CLASRP: variants seen among roughly 807,000 people sequenced by gnomAD.
The protein encoded by CLASRP is CLK4-associating serine/arginine rich protein.
CLASRP carries 52 observed loss-of-function variants against 99.9 expected under a neutral mutation model. That is an observed-to-expected ratio of 0.52 (90% CI 0.42 to 0.66). The LOEUF is 0.66. Among genes scored for constraint, CLASRP ranks in the 30% least tolerant of loss-of-function variants. The probability of loss-of-function intolerance (pLI) is 0.00; values close to 1 mark genes in which losing one functional copy is unlikely to be tolerated. For synonymous variants in CLASRP, 379 were observed against 373.0 expected (o/e 1.02, Z -0.18); for missense variants, 848 against 999.2 (o/e 0.85, Z 2.04).
intron 2 of CLASRP, among the ~76,000 whole-genome samples, chr19:45,046,576 C>G (rs1318509861): frequency 1.3e-5 from 2 of 152,222 alleles, no homozygotes; most frequent in Non-Finnish European, 2.9e-5. Context: ...CCACACTGGA[C>G]TGTGAGCCCA....
Position 45,070,898 on chromosome 19 carries a change from G to C in CLASRP, c.*53G>C. On this transcript the variant is annotated 3_prime_UTR_variant, in exon 21 of 21. Coordinates refer to ENST00000221455, the MANE Select transcript of CLASRP (RefSeq NM_007056.3). ...AGGGGGTGGGTAAGGGGCTCAAGCT[G>C]TGATGCTGCTGGTTTTATCTCTAGT... 1 of 1,088,752 alleles carries C rather than the reference G, an allele frequency of 9.2e-7. No homozygotes were observed. Among genetic ancestry groups the C allele is most frequent in the Non-Finnish European group, 1.4e-6 (1 of 729,704 alleles). The allele number at this position is 1,088,752 out of a possible 1,614,324, so 67.4% of individuals were successfully genotyped here.
intron 8 of CLASRP, among the ~76,000 whole-genome samples, chr19:45,059,853 G>A (rs903358622): frequency 2.0e-4 from 30 of 152,234 alleles, no homozygotes; most frequent in African/African-American, 7.2e-4. Context: ...GGAACATCCA[G>A]TGTCCTCACC....
chr19:45,055,698 T>C (rs1429241205), intron 5 of CLASRP, among the ~76,000 whole-genome samples: 3 of 152,080 alleles, frequency 2.0e-5, no homozygotes, highest in Non-Finnish European at 4.4e-5. Flanking sequence ...CCAGGCACGG[T>C]GGCGCCTGCC....
rs370675689 is a variant in CLASRP, at chr19:45,054,252, GTTTT to G, written c.379+1078_379+1081del. ...GGTAGGGGTGACACCCCGTTTTGGG[GTTTT>G]TTGTTTTTTTTGAGATTGAGTCTTA... On this transcript the variant is annotated intron_variant, in intron 5 of 20. Coordinates refer to ENST00000221455, the MANE Select transcript of CLASRP (RefSeq NM_007056.3). Among the ~76,000 whole-genome samples, 568 of 152,072 alleles carry G rather than the reference GTTTT, an allele frequency of 3.7e-3. 2 individuals carry two copies. The highest frequency in any genetic ancestry group is 0.013 in the African/African-American group (542 of 41,466).
intron 4 of CLASRP, 29 bp from the exon 5 acceptor site, chr19:45,053,069 T>C: frequency 2.5e-6 from 4 of 1,613,216 alleles, no homozygotes; most frequent in Non-Finnish European, 3.4e-6. Flanking sequence ...TCCTTCTCTC[T>C]GATTTCAAGG....
intron 13 of CLASRP, among the ~76,000 whole-genome samples, chr19:45,066,608 G>A (rs1487053047): frequency 8.2e-6 from 1 of 122,348 alleles, no homozygotes; most frequent in Admixed American, 9.8e-5. Flanking sequence ...CTGGGCGACA[G>A]AGAGAGACTG....
rs1284651341 is a variant in CLASRP at position 45,070,096 on chromosome 19, C to A, written c.1949C>A (p.Pro650His). The change falls in exon 19 of 21, where the codon CCC becomes CAC. Residue 650 changes from proline to histidine, a missense_variant. Around this residue, in one of 8 missense-constraint regions of CLASRP, gnomAD observed 116 missense variants for 162.7 expected, o/e 0.71. Coordinates refer to ENST00000221455, the MANE Select transcript of CLASRP (RefSeq NM_007056.3). ...QYSRQSRSPSPRYSREYSSSR... is the reference protein window; with the variant it reads ...QYSRQSRSPSHRYSREYSSSR... Reference sequence around the variant, plus strand: ...AGCCGGCAGAGCCGCTCACCCTCCCCCCGATACAGTGAGTGTCCCCACCAG... The same window carrying A: ...AGCCGGCAGAGCCGCTCACCCTCCCACCGATACAGTGAGTGTCCCCACCAG... The A allele has an allele frequency of 6.3e-7, 1 of 1,582,798 alleles. No homozygotes were observed. The highest frequency in any genetic ancestry group is 1.7e-5 in the Admixed American group (1 of 59,984).
Position 45,060,745 on chromosome 19 carries a change from TG to T in CLASRP, c.863+122del, listed in dbSNP as rs1167181452. The T allele has an allele frequency of 2.6e-6, 2 of 782,392 alleles. No individual in the cohort carries two copies. Among genetic ancestry groups the T allele is most frequent in the Non-Finnish European group, 2.0e-6 (1 of 490,020 alleles). 48.5% of individuals were successfully genotyped at this position (782,392 alleles called of 1,614,324 possible). On this transcript the variant is annotated intron_variant, in intron 10 of 20. Transcript: ENST00000221455. This position sits in a 1 kb window ranked among gnomAD's most constrained non-coding sequence, Gnocchi z 4.6. ...TGACTTGAGAAAGGAGTCTTTCTAGTGGGGCGATGCATGGCCATCGTGAAGG... is the reference window on the plus strand; with the variant it reads ...TGACTTGAGAAAGGAGTCTTTCTAGTGGGCGATGCATGGCCATCGTGAAGG...
chr19:45,061,818 G>A (rs908921947), intron 10 of CLASRP, among the ~76,000 whole-genome samples: 1 of 151,694 alleles, frequency 6.6e-6, no homozygotes, highest in Non-Finnish European at 1.5e-5. Flanking sequence ...TCATTAGTAA[G>A]CCCGGACCCA....
In CLASRP at chr19:45,064,067, G is replaced by A. The variant is rs1967007388; in HGVS notation, c.961G>A (p.Gly321Ser). The A allele has an allele frequency of 6.3e-7, 1 of 1,594,710 alleles. No individual in the cohort carries two copies. Among genetic ancestry groups the A allele is most frequent in the Non-Finnish European group, 8.5e-7 (1 of 1,170,198 alleles). ...CTCCCGCTCCCGCTCCCCGACCCCG[G>A]GCCGCGAGGAGAAGATCACGTTCAT... ...SRSRSRSPTP[G>S]REEKITFITS... The change falls in exon 12 of 21, where the codon GGC becomes AGC. Residue 321 changes from glycine (G) to serine (S), a missense_variant. Physicochemically the swap from Gly to Ser is moderately conservative, Grantham distance 56. Coordinates refer to ENST00000221455, the MANE Select transcript of CLASRP (RefSeq NM_007056.3).
intron 7 of CLASRP, chr19:45,058,246 T>C (rs1972159738): frequency 7.6e-6 from 2 of 263,928 alleles, no homozygotes; most frequent in African/African-American, 2.2e-5. Flanking sequence ...TCTTACAGAG[T>C]CAGCCCCCAT....
At chr19:45,048,355 T>G (rs1971959871) in intron 2 of CLASRP, among the ~76,000 whole-genome samples, 1 of 150,244 alleles carries the variant, frequency 6.7e-6, no homozygotes, top group Admixed American at 6.7e-5. Context: ...GCCAACATGG[T>G]GAAATCCCGT....
intron 6 of CLASRP, among the ~76,000 whole-genome samples, chr19:45,057,422 CT>C (rs1370214423): frequency 6.6e-6 from 1 of 152,218 alleles, no homozygotes; most frequent in Non-Finnish European, 1.5e-5. Flanking sequence ...CTCAGGAGGA[CT>C]CTGGGCTGTG....
At position 45,049,977 on chromosome 19, in the gene CLASRP, A is replaced by G. The variant is rs1169694759; in HGVS notation, c.100-2094A>G. Among the ~76,000 whole-genome samples, 4 of 152,162 alleles carry G rather than the reference A, an allele frequency of 2.6e-5. 1 individual carries two copies. Among genetic ancestry groups the G allele is most frequent in the East Asian group, 3.9e-4 (2 of 5,192 alleles). On this transcript the variant is annotated intron_variant, in intron 2 of 20. Transcript: ENST00000221455. ...CCACAGAGTGAAGGAGCTGGGGTAG[A>G]TAAGTGGGGAGCTATTTAGATAGAG... is the stretch of plus-strand genomic sequence containing the variant.
At chr19:45,058,664 C>T (rs183007160) in intron 7 of CLASRP, among the ~76,000 whole-genome samples, 6 of 152,104 alleles carry the variant, frequency 3.9e-5, no homozygotes, top group African/African-American at 1.2e-4. Context: ...GGATTACAGA[C>T]GTGAGCCACC....
intron 13 of CLASRP, among the ~76,000 whole-genome samples, chr19:45,066,622 CAAAAAAAAAAAA>C (rs35834419): frequency 3.2e-4 from 6 of 18,642 alleles, no homozygotes; most frequent in East Asian, 3.3e-3. Context: ...GAGACTGTCT[CAAAAAAAAAAAA>C]AAAAAAAAAA....
Position 45,067,283 on chromosome 19 carries a change from C to T in CLASRP, c.1410-54C>T, listed in dbSNP as rs879905877. 29 of 1,447,562 alleles carry T rather than the reference C, an allele frequency of 2.0e-5. No individual in the cohort carries two copies. Among genetic ancestry groups the T allele is most frequent in the African/African-American group, 1.4e-4 (10 of 70,160 alleles). The allele number at this position is 1,447,562 out of a possible 1,614,324, so 89.7% of individuals were successfully genotyped here. On this transcript the variant is annotated intron_variant, in intron 13 of 20. Transcript: ENST00000221455. The surrounding 1 kb of genome is among the most constrained non-coding windows in gnomAD (Gnocchi z 4.9). ...GTGGATCCGGACCCAGGGTGGGGTG[C>T]GGTTGGGGTCCCTGGAGCCTCACAG...
intron 2 of CLASRP, among the ~76,000 whole-genome samples, chr19:45,048,879 G>A (rs1036118459): frequency 3.3e-5 from 5 of 151,958 alleles, no homozygotes; most frequent in Non-Finnish European, 7.4e-5. Flanking sequence ...CCAGCTACTC[G>A]GGAAGCTGAG....
intron 10 of CLASRP, 36 bp from the exon 11 acceptor site, chr19:45,062,118 G>A (rs755037319): frequency 7.9e-7 from 1 of 1,273,280 alleles, no homozygotes; most frequent in Non-Finnish European, 1.1e-6. Context: ...GAGATCTTAA[G>A]CCCTAATTTG....
Sources: allele counts gnomAD v4.1 joint callset (sites outside exome capture counted in the v4.1 genomes callset), GRCh38; gene constraint gnomAD v4.1.1; regional missense constraint gnomAD v4.1.1; non-coding constraint Gnocchi (gnomAD v3.1); transcripts MANE v1.5; gene names NCBI Gene and HGNC (gene_info 2026-07-23, HGNC 2026-07-21).